Variants in ARSL observed in about 807,000 individuals in gnomAD.
The protein encoded by ARSL is arylsulfatase E (chondrodysplasia punctata 1).
Under a neutral mutation model 31.1 loss-of-function variants are expected in ARSL, and 4 were observed. The observed-to-expected ratio is 0.13, with a 90% CI of 0.06 to 0.29. ARSL has a LOEUF of 0.29. Among genes scored for constraint, ARSL ranks in the 10% least tolerant of loss-of-function variants. The probability of loss-of-function intolerance (pLI) is 1.00; values close to 1 mark genes in which losing one functional copy is unlikely to be tolerated. For missense variants in ARSL, 312 were observed against 497.8 expected (o/e 0.63, Z 3.55); for synonymous variants, 198 against 209.9 (o/e 0.94, Z 0.49).
chrX:2,968,116 C>T, upstream of ARSL: 7 of 1,154,931 alleles, frequency 6.1e-6, no homozygotes, highest in Non-Finnish European at 8.0e-6. Flanking sequence ...CAAAAGCCGG[C>T]CTGTAAGAAG....
chrX:2,945,293 G>C (rs1461729699), intron 7 of ARSL, among the ~76,000 whole-genome samples: 1 of 111,545 alleles, frequency 9.0e-6, no homozygotes, highest in Non-Finnish European at 1.9e-5. Flanking sequence ...AAGGGGGTTG[G>C]GTAGAGGTCA....
intron 6 of ARSL, among the ~76,000 whole-genome samples, 188 bp from the exon 7 acceptor site, chrX:2,946,322 C>CTTT (rs747661858): frequency 1.2e-3 from 80 of 69,097 alleles, no homozygotes; most frequent in African/African-American, 4.2e-3. Context: ...AACAATCTTC[C>CTTT]TTTTTTTTTT....
At chrX:2,968,068 A>G, upstream of ARSL, 1 of 1,079,827 alleles carries the variant, frequency 9.3e-7, no homozygotes, top group Non-Finnish European at 1.2e-6. Flanking sequence ...GACGCAGTTT[A>G]GCATAAAAGA....
At position 2,940,574 on chromosome X, in the gene ARSL, G is replaced by A. The variant is rs185966917; in HGVS notation, c.1127-2317C>T. ...GTTTTTGGGTGATGGATGTTAGCAC[G>A]GGGGAAAAGGGAGTGACTGCTATGA... is the stretch of plus-strand genomic sequence containing the variant. On this transcript the variant is annotated intron_variant, in intron 8 of 10. Transcript: ENST00000381134. 7.0e-4 allele frequency among the ~76,000 whole-genome samples: 78 copies of A among 111,190 alleles called. 1 individual carries two copies. The highest frequency in any genetic ancestry group is 2.4e-3 in the African/African-American group (73 of 30,422).
intron 8 of ARSL, among the ~76,000 whole-genome samples, chrX:2,941,768 T>C (rs2089285582): frequency 8.9e-6 from 1 of 111,991 alleles, no homozygotes; most frequent in Non-Finnish European, 1.9e-5. Context: ...AAAACCAAGC[T>C]GCGCCTTGAC....
chrX:2,945,137 C>T (rs779971709), intron 7 of ARSL, among the ~76,000 whole-genome samples: 7 of 110,782 alleles, frequency 6.3e-5, no homozygotes, highest in Non-Finnish European at 1.1e-4. Flanking sequence ...TTTAGGGGTG[C>T]GTCAGGGCAG....
chrX:2,941,434 T>C (rs1419375709), intron 8 of ARSL, among the ~76,000 whole-genome samples: 1 of 110,185 alleles, frequency 9.1e-6, no homozygotes, highest in Non-Finnish European at 1.9e-5. Flanking sequence ...TTTGTATTTT[T>C]AGTAGAGACA....
At chrX:2,941,684 C>T (rs2089284648) in intron 8 of ARSL, among the ~76,000 whole-genome samples, 1 of 112,093 alleles carries the variant, frequency 8.9e-6, no homozygotes, top group Non-Finnish European at 1.9e-5. Flanking sequence ...TTTGAGTTGT[C>T]CCACCTTTCT....
In ARSL at chrX:2,958,318, G is replaced by A; in HGVS notation, c.141C>T (p.Asp47=). The A allele has an allele frequency of 8.3e-7, 1 of 1,211,970 alleles. No individual in the cohort carries two copies. Among genetic ancestry groups the A allele is most frequent in the East Asian group, 3.0e-5 (1 of 33,835 alleles). ...RPNILLLMAD[D]LGIGDIGCYG... Reference sequence around the variant, plus strand: ...AGCAGCCAATGTCCCCAATGCCAAGGTCGTCCGCCATCAGAAGAAGGATGT... The same window carrying A: ...AGCAGCCAATGTCCCCAATGCCAAGATCGTCCGCCATCAGAAGAAGGATGT... Residue 47 remains aspartate (D), a synonymous_variant, in exon 3 of 11, where the codon GAC becomes GAT. Coordinates refer to ENST00000381134, the MANE Select transcript of ARSL (RefSeq NM_000047.3).
chrX:2,959,035 T>A (rs974819953), intron 2 of ARSL, among the ~76,000 whole-genome samples: 1 of 111,891 alleles, frequency 8.9e-6, no homozygotes, highest in African/African-American at 3.2e-5. Context: ...TTAGTCATGG[T>A]TTCTTGGATG....
chrX:2,952,880 C>G (rs1227796892), intron 5 of ARSL: 1 of 227,490 alleles, frequency 4.4e-6, no homozygotes, highest in African/African-American at 2.9e-5. Flanking sequence ...GGGTTTCAAA[C>G]TTCTGGGCTC....
chrX:2,960,863 G>A (rs760762847), intron 1 of ARSL, among the ~76,000 whole-genome samples: 4 of 111,406 alleles, frequency 3.6e-5, no homozygotes, highest in Non-Finnish European at 5.7e-5. Context: ...AGGGGGAAGC[G>A]GGGAAAGATC....
At chrX:2,947,421 G>A (rs1262071520) in intron 6 of ARSL, among the ~76,000 whole-genome samples, 3 of 112,317 alleles carry the variant, frequency 2.7e-5, no homozygotes, top group South Asian at 3.7e-4. Flanking sequence ...ACGTAGTGAG[G>A]ATTAGGACAT....
chrX:2,947,510 C>G (rs1259745765), intron 6 of ARSL, among the ~76,000 whole-genome samples: 1 of 112,111 alleles, frequency 8.9e-6, no homozygotes, highest in African/African-American at 3.2e-5. Flanking sequence ...TCCTTGAAAG[C>G]AGTGTTTTAG....
intron 5 of ARSL, among the ~76,000 whole-genome samples, chrX:2,951,905 C>G (rs12690163): frequency 0.11 from 9,378 of 87,390 alleles, 808 homozygotes; most frequent in East Asian, 0.57. Flanking sequence ...AAAAATTAAA[C>G]AAAGAACATT....
chrX:2,959,580 C>T (rs749679133), intron 2 of ARSL: 408 of 1,134,039 alleles, frequency 3.6e-4, no homozygotes, highest in African/African-American at 1.0e-3. Context: ...GACACCTGGC[C>T]GATGGTAGCG....
chrX:2,943,420 A>G (rs752552033), intron 7 of ARSL, among the ~76,000 whole-genome samples: 1 of 111,057 alleles, frequency 9.0e-6, no homozygotes, highest in East Asian at 2.8e-4. Context: ...TAGGCAACGT[A>G]CAAGGACAAA....
At position 2,935,073 on chromosome X, in the gene ARSL, G is replaced by C; in HGVS notation, c.1529C>G (p.Pro510Arg). The C allele has an allele frequency of 8.3e-7, 1 of 1,211,353 alleles. No homozygotes were observed. Among genetic ancestry groups the C allele is most frequent in the Non-Finnish European group, 1.1e-6 (1 of 895,414 alleles). The change falls in exon 11 of 11, where the codon CCA becomes CGA. Residue 510 changes from proline (P) to arginine (R), a missense_variant. Coordinates refer to ENST00000381134, the MANE Select transcript of ARSL (RefSeq NM_000047.3). ...CFGEKVVHHD[P>R]PLLFDLSRDP... ...TCTTGAGAGGTCAAAGAGCAAAGGT[G>C]GATCGTGGTGGACTACTTTTTCCCC...
chrX:2,941,676 T>C (rs2089284605), intron 8 of ARSL, among the ~76,000 whole-genome samples: 1 of 112,246 alleles, frequency 8.9e-6, no homozygotes, highest in Non-Finnish European at 1.9e-5. Context: ...CCCGTGGCTT[T>C]GAGTTGTCCC....
Sources: allele counts gnomAD v4.1 joint callset (sites outside exome capture counted in the v4.1 genomes callset), GRCh38; gene constraint gnomAD v4.1.1; transcripts MANE v1.5; gene names NCBI Gene and HGNC (gene_info 2026-07-23, HGNC 2026-07-21).